The following TBCD variants were observed in gnomAD, a reference collection of about 807,000 sequenced individuals.
The protein encoded by TBCD is tubulin-specific chaperone D.
TBCD carries 105 observed loss-of-function variants against 169.3 expected under a neutral mutation model. The ratio of observed to expected loss-of-function variants is 0.62; its 90% confidence interval spans 0.53 to 0.73. The LOEUF (loss-of-function observed/expected upper bound fraction) is 0.73, where lower values mean the gene tolerates loss of function less well. TBCD is among the 30% of genes least tolerant of loss of function. The probability of loss-of-function intolerance (pLI) is 0.00; values close to 1 mark genes in which losing one functional copy is unlikely to be tolerated. For synonymous variants in TBCD, 700 were observed against 643.9 expected (o/e 1.09, Z -1.32); for missense variants, 1,444 against 1,600.1 (o/e 0.90, Z 1.66).
intron 6 of TBCD, among the ~76,000 whole-genome samples, chr17:82,774,589 C>T (rs978096638): frequency 6.6e-5 from 10 of 152,172 alleles, no homozygotes; most frequent in African/African-American, 1.7e-4. Flanking sequence ...GGGTGGCAGC[C>T]GGGCAGAGGG....
In TBCD at chr17:82,859,328, G is replaced by A. The variant is rs564865206; in HGVS notation, c.1319-10896G>A. Among the ~76,000 whole-genome samples, 250 of 146,850 alleles carry A rather than the reference G, an allele frequency of 1.7e-3. 3 individuals carry two copies. Among genetic ancestry groups the A allele is most frequent in the African/African-American group, 5.8e-3 (222 of 38,552 alleles). On this transcript the variant is annotated intron_variant, in intron 13 of 38. Transcript: ENST00000355528. ...AGTCTCGTGGGTCGTCTGGCCTGCC[G>A]GCTCTGTGTCCTCCCTACACTGACA...
At chr17:82,845,197 G>C (rs746652175) in intron 13 of TBCD, among the ~76,000 whole-genome samples, 3 of 152,200 alleles carry the variant, frequency 2.0e-5, no homozygotes, top group Non-Finnish European at 2.9e-5. Context: ...TTCCAGGTCG[G>C]GGGTGAGGCA....
At chr17:82,809,639 C>A in intron 11 of TBCD, 69 bp from the exon 12 acceptor site, 2 of 1,511,976 alleles carry the variant, frequency 1.3e-6, no homozygotes, top group Non-Finnish European at 1.8e-6. Context: ...AGGCCATTCA[C>A]ACGTGTCACG....
In TBCD at chr17:82,782,772, C is replaced by T. The variant is rs2049033620; in HGVS notation, c.771+1051C>T. 6.7e-6 allele frequency among the ~76,000 whole-genome samples: 1 copy of T among 148,864 alleles called. No individual in the cohort carries two copies. Among genetic ancestry groups the T allele is most frequent in the African/African-American group, 2.6e-5 (1 of 38,902 alleles). On this transcript the variant is annotated intron_variant, in intron 7 of 38. Coordinates refer to ENST00000355528, the MANE Select transcript of TBCD (RefSeq NM_005993.5). The surrounding 1 kb of genome is among the most constrained non-coding windows in gnomAD (Gnocchi z 5.1). The stretch of plus-strand genomic sequence containing the variant: ...ATCCGCGGCATTGTCTTCCTATCCG[C>T]GGCGTTGTCTTCCTGTCTGTGGCGT...
intron 9 of TBCD, 26 bp from the exon 10 acceptor site, chr17:82,805,849 A>G: frequency 6.3e-7 from 1 of 1,590,012 alleles, no homozygotes; most frequent in Non-Finnish European, 8.6e-7. Flanking sequence ...TACAAAGCTG[A>G]TCTGAGGATG....
At chr17:82,755,851 TGAAG>T (rs1426295980) in intron 1 of TBCD, among the ~76,000 whole-genome samples, 1 of 149,932 alleles carries the variant, frequency 6.7e-6, no homozygotes, top group African/African-American at 2.5e-5. Flanking sequence ...CAGGAGAGAG[TGAAG>T]GAAGGAAGAG....
chr17:82,808,573 C>T (rs1213284893), intron 11 of TBCD, among the ~76,000 whole-genome samples: 5 of 95,352 alleles, frequency 5.2e-5, no homozygotes, highest in Non-Finnish European at 1.0e-4. Flanking sequence ...GGCGGGTTGG[C>T]CCCTGCTGTG....
At chr17:82,932,972 C>T in intron 34 of TBCD, 1 of 528,874 alleles carries the variant, frequency 1.9e-6, no homozygotes, top group South Asian at 2.1e-5. Flanking sequence ...CCATCTGGGG[C>T]TGAGGCGGGG....
At chr17:82,932,327 C>G (rs1206114707) in intron 33 of TBCD, among the ~76,000 whole-genome samples, 1 of 152,226 alleles carries the variant, frequency 6.6e-6, no homozygotes, top group Non-Finnish European at 1.5e-5. Flanking sequence ...GGAGGGCTCC[C>G]CTCTCCGCTG....
chr17:82,807,586 C>G, intron 10 of TBCD, 22 bp from the exon 11 acceptor site: 1 of 1,487,798 alleles, frequency 6.7e-7, no homozygotes, highest in Non-Finnish European at 9.0e-7. Flanking sequence ...CTCTGTCACG[C>G]ATCACCTTCC....
chr17:82,939,264 TG>T, intron 36 of TBCD, 102 bp from the exon 37 acceptor site: 1 of 895,222 alleles, frequency 1.1e-6, no homozygotes, highest in Non-Finnish European at 1.8e-6. Context: ...GTCCTCCTCC[TG>T]ACGCCTTCCA....
chr17:82,812,858 G>A (rs549715177), intron 12 of TBCD, among the ~76,000 whole-genome samples: 1 of 152,272 alleles, frequency 6.6e-6, no homozygotes, highest in African/African-American at 2.4e-5. Flanking sequence ...TTTAGAGATG[G>A]GGTCTTGCTC....
In TBCD at chr17:82,889,731, A is replaced by G; in HGVS notation, c.1563+34A>G. On this transcript the variant is annotated intron_variant, in intron 16 of 38. Transcript: ENST00000355528. This position sits in a 1 kb window ranked among gnomAD's most constrained non-coding sequence, Gnocchi z 5.3. ...GCTTTCAAACACCTTTATTCCAAAA[A>G]CTTCCTGCGGGTTTATAGGTAGGAA... 1 of 1,610,926 alleles carries G rather than the reference A, an allele frequency of 6.2e-7. No homozygotes were observed. Among genetic ancestry groups the G allele is most frequent in the African/African-American group, 1.3e-5 (1 of 74,752 alleles).
intron 21 of TBCD, among the ~76,000 whole-genome samples, chr17:82,909,022 G>T (rs533545688): frequency 6.6e-6 from 1 of 152,224 alleles, no homozygotes; most frequent in Non-Finnish European, 1.5e-5. Flanking sequence ...AATGCAGGTG[G>T]CTCCAGCTCC....
chr17:82,914,765 G>A (rs2060909134), intron 23 of TBCD, among the ~76,000 whole-genome samples: 1 of 152,204 alleles, frequency 6.6e-6, no homozygotes, highest in African/African-American at 2.4e-5. Flanking sequence ...GAAGCCGGCT[G>A]TGTCCCTGGT....
chr17:82,841,067 C>T (rs566526064), intron 13 of TBCD, among the ~76,000 whole-genome samples: 29 of 147,260 alleles, frequency 2.0e-4, no homozygotes, highest in Admixed American at 1.7e-3. Context: ...CTCAGCCTCC[C>T]GAGTAGCTGG....
chr17:82,888,792 C>T (rs2058932565), intron 15 of TBCD, among the ~76,000 whole-genome samples: 1 of 152,234 alleles, frequency 6.6e-6, no homozygotes, highest in African/African-American at 2.4e-5. Flanking sequence ...ACCTTGCTCT[C>T]AGGAAGCCCC....
chr17:82,912,075 T>A (rs938424648), intron 23 of TBCD, among the ~76,000 whole-genome samples: 4 of 152,220 alleles, frequency 2.6e-5, no homozygotes, highest in Non-Finnish European at 5.9e-5. Flanking sequence ...CAGAGGCAGC[T>A]GGGGCAGTGG....
In TBCD at chr17:82,814,861, G is replaced by T; in HGVS notation, c.1245G>T (p.Ala415=). 6.2e-7 allele frequency: 1 copy of T among 1,613,878 alleles called. No homozygotes were observed. Among genetic ancestry groups the T allele is most frequent in the Non-Finnish European group, 8.5e-7 (1 of 1,179,862 alleles). Residue 415 remains alanine, a synonymous_variant, in exon 13 of 39, where the codon GCG becomes GCT. Coordinates refer to ENST00000355528, the MANE Select transcript of TBCD (RefSeq NM_005993.5). ...DCFSFQETDK[A]WHGGCLALAE... ...TCAGTTTCCAGGAGACTGACAAGGCGTGGCATGGGGGATGTCTGGCGCTGG... is the reference window on the plus strand; with the variant it reads ...TCAGTTTCCAGGAGACTGACAAGGCTTGGCATGGGGGATGTCTGGCGCTGG...
Sources: allele counts gnomAD v4.1 joint callset (sites outside exome capture counted in the v4.1 genomes callset), GRCh38; gene constraint gnomAD v4.1.1; non-coding constraint Gnocchi (gnomAD v3.1); transcripts MANE v1.5; gene names NCBI Gene and HGNC (gene_info 2026-07-23, HGNC 2026-07-21).